VIRMA: variants seen among roughly 807,000 people sequenced by gnomAD.
VIRMA encodes the protein protein virilizer homolog.
In VIRMA, 65 loss-of-function variants were observed where a neutral mutation model predicts 182.4. That is an observed-to-expected ratio of 0.36 (90% CI 0.29 to 0.44). VIRMA has a LOEUF of 0.44. VIRMA is among the 20% of genes least tolerant of loss of function. The pLI, the probability that VIRMA is intolerant of heterozygous loss-of-function variation, is 1.00. For missense variants in VIRMA, 1,752 were observed against 2,158.1 expected (o/e 0.81, Z 3.73); for synonymous variants, 709 against 743.1 (o/e 0.95, Z 0.75).
At chr8:94,542,064 T>C (rs977405172) in intron 2 of VIRMA, among the ~76,000 whole-genome samples, 3 of 152,220 alleles carry the variant, frequency 2.0e-5, no homozygotes, top group African/African-American at 7.2e-5. Flanking sequence ...TTGCTTGCTA[T>C]GGTAGCCAGT....
intron 6 of VIRMA, among the ~76,000 whole-genome samples, chr8:94,529,814 A>G (rs1350580706): frequency 1.3e-5 from 2 of 151,290 alleles, no homozygotes; most frequent in Non-Finnish European, 2.9e-5. Context: ...TAATTTTTGT[A>G]TTTTTAGTAG....
At chr8:94,495,681 G>A (rs369765494) in intron 19 of VIRMA, 50 bp downstream of exon 19, 42 of 1,538,982 alleles carry the variant, frequency 2.7e-5, no homozygotes, top group Non-Finnish European at 3.6e-5. Flanking sequence ...CTAGACTACA[G>A]CCATTTTAAA....
rs1814621093 is a variant in VIRMA, at chr8:94,517,997, A to G, written c.2514-55T>C. The G allele has an allele frequency of 2.2e-6, 3 of 1,375,960 alleles. No individual in the cohort carries two copies. The Admixed American group carries it at 6.2e-5, about 28-fold the overall frequency. The allele number at this position is 1,375,960 out of a possible 1,614,324, so 85.2% of individuals were successfully genotyped here. On this transcript the variant is annotated intron_variant, in intron 9 of 23. Coordinates refer to ENST00000297591, the MANE Select transcript of VIRMA (RefSeq NM_015496.5). The stretch of plus-strand genomic sequence containing the variant: ...GATACAAAAACAATTTTTTAGGAAC[A>G]ATTTTTAAAAATTTTCTTCTACTTG...
intron 5 of VIRMA, among the ~76,000 whole-genome samples, chr8:94,532,251 C>T (rs1241863267): frequency 1.3e-5 from 2 of 152,180 alleles, no homozygotes; most frequent in African/African-American, 4.8e-5. Context: ...GGACTACAGG[C>T]ATGCACCACC....
intron 7 of VIRMA, 30 bp downstream of exon 7, chr8:94,529,040 A>G (rs762786617): frequency 6.2e-7 from 1 of 1,606,562 alleles, no homozygotes; most frequent in East Asian, 2.2e-5. Context: ...CTAGTACTTA[A>G]ACCCCAAAGT....
chr8:94,525,366 A>G (rs959601944), intron 8 of VIRMA, among the ~76,000 whole-genome samples: 1 of 152,172 alleles, frequency 6.6e-6, no homozygotes, highest in African/African-American at 2.4e-5. Flanking sequence ...TTTTCTCCTT[A>G]TCTTACTCTC....
rs1043961740 is a variant in VIRMA at position 94,502,055 on chromosome 8, GCTGT to G, written c.4098-2553_4098-2550del. Among the ~76,000 whole-genome samples, 166 of 152,142 alleles carry G rather than the reference GCTGT, an allele frequency of 1.1e-3. 1 individual carries two copies. The highest frequency in any genetic ancestry group is 3.0e-3 in the African/African-American group (125 of 41,508). On this transcript the variant is annotated intron_variant, in intron 16 of 23. Coordinates refer to ENST00000297591, the MANE Select transcript of VIRMA (RefSeq NM_015496.5). ...TGAGGTCCCCCACTATTATCGTGTT[GCTGT>G]CTATCTTATTTCTTAGGTCTATGAT...
At chr8:94,514,824 C>T in intron 11 of VIRMA, 45 bp downstream of exon 11, 1 of 951,588 alleles carries the variant, frequency 1.1e-6, no homozygotes, top group Non-Finnish European at 1.7e-6. Flanking sequence ...CATGTACTAC[C>T]ACACAGTTTC....
rs1334508265 is a variant in VIRMA at position 94,496,318 on chromosome 8, T to C, written c.4383+10A>G. On this transcript the variant is annotated intron_variant, in intron 18 of 23. Transcript: ENST00000297591. ...AGGCCTTAAGAACGCTCTGTTTTTT[T>C]CTTTTTTACCAAAACAAGCTTCTCT... 1 of 1,604,862 alleles carries C rather than the reference T, an allele frequency of 6.2e-7. No individual in the cohort carries two copies. The highest frequency in any genetic ancestry group is 1.3e-5 in the African/African-American group (1 of 74,196).
chr8:94,516,737 T>C (rs1814572695), intron 10 of VIRMA, among the ~76,000 whole-genome samples: 2 of 152,340 alleles, frequency 1.3e-5, no homozygotes, highest in Non-Finnish European at 2.9e-5. Flanking sequence ...GAAGACACTG[T>C]GTGCCCTCCT....
chr8:94,489,818 G>A, intron 23 of VIRMA, 121 bp downstream of exon 23: 1 of 1,071,986 alleles, frequency 9.3e-7, no homozygotes, highest in Non-Finnish European at 1.3e-6. Context: ...ATTTTTGACT[G>A]TGTGGAGCAA....
At chr8:94,489,690 T>A (rs1214109772) in intron 23 of VIRMA, among the ~76,000 whole-genome samples, 1 of 152,090 alleles carries the variant, frequency 6.6e-6, no homozygotes, top group Non-Finnish European at 1.5e-5. Context: ...ACACATTATA[T>A]AATATATATA....
intron 1 of VIRMA, among the ~76,000 whole-genome samples, chr8:94,545,289 T>A (rs1043997953): frequency 6.6e-6 from 1 of 152,224 alleles, no homozygotes; most frequent in African/African-American, 2.4e-5. Context: ...TTATGTCAAC[T>A]TTTCCTATTA....
In VIRMA at chr8:94,492,152, C is replaced by A. The variant is rs543344055; in HGVS notation, c.4809-243G>T. On this transcript the variant is annotated intron_variant, in intron 21 of 23. Transcript: ENST00000297591. Reference sequence around the variant, plus strand: ...ACTTCTTATTCAAACCTTCCAAAATCTTGTAGAAAACAATATAACAAATGT... The same window carrying A: ...ACTTCTTATTCAAACCTTCCAAAATATTGTAGAAAACAATATAACAAATGT... 2.0e-5 allele frequency among the ~76,000 whole-genome samples: 3 copies of A among 152,156 alleles called. No homozygotes were observed. In the South Asian group the frequency reaches 6.2e-4, roughly 32 times the overall value.
At chr8:94,514,039 A>G (rs1309259654) in intron 11 of VIRMA, among the ~76,000 whole-genome samples, 1 of 152,220 alleles carries the variant, frequency 6.6e-6, no homozygotes, top group Admixed American at 6.5e-5. Flanking sequence ...TTATTTTAAT[A>G]ATATACACTG....
chr8:94,506,631 C>T lies in VIRMA; in HGVS notation c.3966G>A (p.Leu1322=), dbSNP rs774684642. The T allele has an allele frequency of 1.9e-6, 3 of 1,613,696 alleles. No homozygotes were observed. The highest frequency in any genetic ancestry group is 2.5e-6 in the Non-Finnish European group (3 of 1,179,762). Residue 1322 remains leucine, a synonymous_variant, in exon 16 of 24, where the codon TTG becomes TTA. Transcript: ENST00000297591. ...ACAGACAGTCACAGATTGAGGTCAT[C>T]AATTCTTTATTTGGTAGAGAATTGG... ...QLSNSLPNKE[L]MTSICDCLLA...
chr8:94,510,718 G>T, intron 13 of VIRMA, 66 bp from the exon 14 acceptor site: 1 of 1,176,102 alleles, frequency 8.5e-7, no homozygotes, highest in Non-Finnish European at 1.2e-6. Flanking sequence ...CACAAAAACT[G>T]TTCAGGAAGA....
intron 10 of VIRMA, among the ~76,000 whole-genome samples, chr8:94,515,158 G>A (rs1444474143): frequency 2.0e-5 from 3 of 151,080 alleles, no homozygotes; most frequent in South Asian, 2.1e-4. Flanking sequence ...TACAAAGGGC[G>A]TAATCTCGGC....
Position 94,519,340 on chromosome 8 carries a change from AAAG to A in VIRMA, c.2155_2157del (p.Leu719del). 1 of 1,608,992 alleles carries A rather than the reference AAAG, an allele frequency of 6.2e-7. No homozygotes were observed. The highest frequency in any genetic ancestry group is 1.7e-5 in the Admixed American group (1 of 58,592). ...GTTGCTTCATATTCCGACATAAAAA[AAAG>A]AAGACCCTTCTGTGACTGTGCAAGA... is the stretch of plus-strand genomic sequence containing the variant. On this transcript the variant is annotated inframe_deletion, in exon 9 of 24. Coordinates refer to ENST00000297591, the MANE Select transcript of VIRMA (RefSeq NM_015496.5).
Sources: allele counts gnomAD v4.1 joint callset (sites outside exome capture counted in the v4.1 genomes callset), GRCh38; gene constraint gnomAD v4.1.1; transcripts MANE v1.5; gene names NCBI Gene and HGNC (gene_info 2026-07-23, HGNC 2026-07-21).